The following SMAD3 variants were observed in gnomAD, a reference collection of about 807,000 sequenced individuals.
SMAD3 encodes SMAD family member 3, also known as MAD homolog 3.
In SMAD3, 12 loss-of-function variants were observed where a neutral mutation model predicts 51.8. The ratio of observed to expected loss-of-function variants is 0.23; its 90% CI spans 0.15 to 0.38. SMAD3 has a LOEUF of 0.38. Among genes scored for constraint, SMAD3 ranks in the 10% least tolerant of loss-of-function variants. SMAD3 has a pLI of 1.00. For missense variants in SMAD3, 294 were observed against 565.6 expected, an observed-to-expected ratio of 0.52 and a Z score of 4.87; for synonymous variants, 238 against 227.7, an observed-to-expected ratio of 1.05 and a Z score of -0.41.
chr15:67,165,741 C>T (rs189099703), intron 3 of SMAD3, among the ~76,000 whole-genome samples: 249 of 152,288 alleles, frequency 1.6e-3, no homozygotes, highest in Non-Finnish European at 2.7e-3. Context: ...TCTGCAGAGG[C>T]GGGGAGTGAG....
rs555025398 is a variant in SMAD3 at position 67,157,300 on chromosome 15, A to G, written c.207-7595A>G. Among the ~76,000 whole-genome samples, 20 of 152,382 alleles carry G rather than the reference A, an allele frequency of 1.3e-4. No individual in the cohort carries two copies. The South Asian group carries it at 3.5e-3, about 27-fold the overall frequency. On this transcript the variant is annotated intron_variant, in intron 1 of 8. Transcript: ENST00000327367. Reference sequence around the variant, plus strand: ...GTTCTTGGGATATGGTAGGTATTCAATAACTATGCTGTGATTGATGAATGG... The same window carrying G: ...GTTCTTGGGATATGGTAGGTATTCAGTAACTATGCTGTGATTGATGAATGG...
intron 1 of SMAD3, among the ~76,000 whole-genome samples, chr15:67,156,316 A>G (rs144995797): frequency 6.6e-6 from 1 of 152,220 alleles, no homozygotes; most frequent in Non-Finnish European, 1.5e-5. Context: ...GGCTACTTCA[A>G]AAAATGAATA....
At chr15:67,162,019 G>A (rs1962445311) in intron 1 of SMAD3, among the ~76,000 whole-genome samples, 1 of 152,110 alleles carries the variant, frequency 6.6e-6, no homozygotes, top group South Asian at 2.1e-4. Flanking sequence ...TTGTTCTGGG[G>A]CCCCAAGGGA....
chr15:67,169,705 C>A (rs1766531396), intron 4 of SMAD3, among the ~76,000 whole-genome samples: 1 of 151,452 alleles, frequency 6.6e-6, no homozygotes, highest in African/African-American at 2.4e-5. Context: ...TCAAGTGATC[C>A]CCCAGTCTCA....
At chr15:67,081,702 A>G (rs1170862394) in intron 1 of SMAD3, among the ~76,000 whole-genome samples, 1 of 152,128 alleles carries the variant, frequency 6.6e-6, no homozygotes, top group African/African-American at 2.4e-5. Flanking sequence ...ATTACCGTCT[A>G]TAAACGTTGC....
chr15:67,077,073 A>T (rs753802117), intron 1 of SMAD3, among the ~76,000 whole-genome samples: 3 of 152,132 alleles, frequency 2.0e-5, no homozygotes, highest in Admixed American at 6.5e-5. Context: ...GGAATCCTAA[A>T]CTCAAACCTG....
chr15:67,161,613 G>A (rs1962433277), intron 1 of SMAD3, among the ~76,000 whole-genome samples: 1 of 152,162 alleles, frequency 6.6e-6, no homozygotes, highest in East Asian at 1.9e-4. Context: ...GAGAACAGCT[G>A]AATAATTCTC....
At chr15:67,123,476 GCAA>G (rs1300385463) in intron 1 of SMAD3, among the ~76,000 whole-genome samples, 1 of 152,156 alleles carries the variant, frequency 6.6e-6, no homozygotes, top group Non-Finnish European at 1.5e-5. Context: ...TCCAGCTTGG[GCAA>G]CAAGAGCAAA....
intron 1 of SMAD3, among the ~76,000 whole-genome samples, chr15:67,076,276 A>C (rs1473330785): frequency 6.6e-6 from 1 of 152,228 alleles, no homozygotes; most frequent in Non-Finnish European, 1.5e-5. Context: ...TTATTCTTAA[A>C]AATTTGTTTG....
chr15:67,143,381 T>C (rs1362125507), intron 1 of SMAD3, among the ~76,000 whole-genome samples: 4 of 152,200 alleles, frequency 2.6e-5, no homozygotes, highest in Admixed American at 1.3e-4. Context: ...GAGCAAAATA[T>C]GTCTAGGCTT....
intron 4 of SMAD3, among the ~76,000 whole-genome samples, chr15:67,168,689 C>T (rs981876004): frequency 2.0e-5 from 3 of 152,136 alleles, no homozygotes; most frequent in African/African-American, 7.2e-5. Flanking sequence ...TTACTCTGTC[C>T]CCTCTCCCTT....
intron 6 of SMAD3, among the ~76,000 whole-genome samples, chr15:67,182,325 C>T (rs538259483): frequency 2.0e-5 from 3 of 152,316 alleles, no homozygotes; most frequent in East Asian, 1.9e-4. Context: ...AGCTGTGTTA[C>T]GCATCACTTG....
chr15:67,183,039 T>A (rs1455945035), intron 6 of SMAD3, among the ~76,000 whole-genome samples: 42 of 98,362 alleles, frequency 4.3e-4, no homozygotes, highest in African/African-American at 7.3e-4. Flanking sequence ...ATATTTTTTT[T>A]TTTTTTTTTT....
chr15:67,070,864 C>A (rs544089593), intron 1 of SMAD3, among the ~76,000 whole-genome samples: 1 of 152,068 alleles, frequency 6.6e-6, no homozygotes, highest in African/African-American at 2.4e-5. Flanking sequence ...GCTTTTATAT[C>A]TGCACCTGTC....
chr15:67,074,167 CTG>C (rs966037346), intron 1 of SMAD3, among the ~76,000 whole-genome samples: 3 of 152,214 alleles, frequency 2.0e-5, no homozygotes, highest in Non-Finnish European at 4.4e-5. Flanking sequence ...CTTCCTTACT[CTG>C]TGAGTCTAAA....
At chr15:67,130,012 T>A (rs191508279) in intron 1 of SMAD3, among the ~76,000 whole-genome samples, 6 of 152,326 alleles carry the variant, frequency 3.9e-5, no homozygotes, top group Admixed American at 3.9e-4. Flanking sequence ...GTTACACAGC[T>A]AGTGAGGAGC....
At chr15:67,146,384 T>C (rs1961974161) in intron 1 of SMAD3, among the ~76,000 whole-genome samples, 1 of 152,206 alleles carries the variant, frequency 6.6e-6, no homozygotes, top group Admixed American at 6.5e-5. Flanking sequence ...GAATAAAATG[T>C]GACAGCCTGC....
chr15:67,145,266 A>G lies in SMAD3; in HGVS notation c.207-19629A>G, dbSNP rs555968790. The stretch of plus-strand genomic sequence containing the variant: ...CAGCAAGCAGGAGTGACTCAGGAAT[A>G]AGCACTCATAGCACAGCTGGGACTT... On this transcript the variant is annotated intron_variant, in intron 1 of 8. Transcript: ENST00000327367. 1.1e-3 allele frequency among the ~76,000 whole-genome samples: 163 copies of G among 152,274 alleles called. 1 individual carries two copies. Among genetic ancestry groups the G allele is most frequent in the African/African-American group, 3.7e-3 (152 of 41,554 alleles).
chr15:67,184,106 T>C (rs907176972), intron 6 of SMAD3, among the ~76,000 whole-genome samples: 17 of 151,268 alleles, frequency 1.1e-4, no homozygotes, highest in Non-Finnish European at 1.6e-4. Flanking sequence ...ATTCCCTTTT[T>C]TTTTTTTTTT....
Sources: allele counts gnomAD v4.1 joint callset (sites outside exome capture counted in the v4.1 genomes callset), GRCh38; gene constraint gnomAD v4.1.1; transcripts MANE v1.5; gene names NCBI Gene and HGNC (gene_info 2026-07-23, HGNC 2026-07-21).